FRMPD4: variants seen among roughly 807,000 people sequenced by gnomAD.
FRMPD4 encodes FERM and PDZ domain containing 4, also known as FERM and PDZ domain-containing protein 4.
FRMPD4 carries 22 observed loss-of-function variants against 94.1 expected under a neutral mutation model. The observed-to-expected ratio is 0.23, with a 90% CI of 0.17 to 0.33. The LOEUF is 0.33. FRMPD4 is among the 10% of genes least tolerant of loss of function. The pLI, the probability that FRMPD4 is intolerant of heterozygous loss-of-function variation, is 1.00. For synonymous variants in FRMPD4, 631 were observed against 548.6 expected, an observed-to-expected ratio of 1.15 and a Z score of -2.10; for missense variants, 1,111 against 1,339.9, an observed-to-expected ratio of 0.83 and a Z score of 2.67.
chrX:12,176,880 A>G (rs1011740812), intron 1 of FRMPD4, among the ~76,000 whole-genome samples: 8 of 112,246 alleles, frequency 7.1e-5, no homozygotes, highest in Non-Finnish European at 1.3e-4. Context: ...TCTGGAAAAT[A>G]CAATTTCTCA....
chrX:12,588,269 C>T (rs1209597479), intron 2 of FRMPD4, among the ~76,000 whole-genome samples: 1 of 112,469 alleles, frequency 8.9e-6, no homozygotes, highest in Non-Finnish European at 1.9e-5. Context: ...GGATTACAGG[C>T]GTGAGCCACC....
At position 12,718,507 on chromosome X, in the gene FRMPD4, T is replaced by C. The variant is rs1413563530; in HGVS notation, c.3681T>C (p.Ser1227=). ...SVDAGCGTGS[S]GSACATPVES... ...ATGCAGGCTGTGGCACAGGCAGCAG[T>C]GGCAGTGCCTGTGCCACACCCGTGG... Residue 1227 remains serine, a synonymous_variant, in exon 16 of 17, where the codon AGT becomes AGC. Transcript: ENST00000675598. 2.5e-6 allele frequency: 3 copies of C among 1,199,003 alleles called. No individual in the cohort carries two copies. The highest frequency in any genetic ancestry group is 3.5e-5 in the South Asian group (2 of 56,715).
At chrX:12,048,963 A>G (rs189178406) in intron 3 of FRMPD4, among the ~76,000 whole-genome samples, 3 of 111,501 alleles carry the variant, frequency 2.7e-5, no homozygotes, top group Non-Finnish European at 5.7e-5. Flanking sequence ...TGCTTTGTCT[A>G]TTCAGGCTCT....
chrX:12,186,013 G>A (rs2056420489), intron 1 of FRMPD4, among the ~76,000 whole-genome samples: 1 of 111,594 alleles, frequency 9.0e-6, no homozygotes, highest in African/African-American at 3.3e-5. Context: ...AAATCCATAG[G>A]TACAGTTACA....
chrX:12,217,438 G>A (rs763437942), intron 1 of FRMPD4, among the ~76,000 whole-genome samples: 95 of 111,873 alleles, frequency 8.5e-4, no homozygotes, highest in Non-Finnish European at 1.3e-3. Context: ...TGGGCAGCGC[G>A]TCAGTCTCAT....
At chrX:12,148,578 A>G (rs1460419780) in intron 1 of FRMPD4, among the ~76,000 whole-genome samples, 1 of 112,795 alleles carries the variant, frequency 8.9e-6, no homozygotes, top group East Asian at 2.8e-4. Flanking sequence ...CAAATTATCC[A>G]GAAGACCTAG....
chrX:12,565,769 GT>G (rs1298212934), intron 2 of FRMPD4, among the ~76,000 whole-genome samples: 2 of 112,022 alleles, frequency 1.8e-5, no homozygotes, highest in Non-Finnish European at 3.8e-5. Flanking sequence ...AACAATGTTG[GT>G]TTCTTAGTTG....
intron 2 of FRMPD4, among the ~76,000 whole-genome samples, chrX:11,869,096 A>G (rs35681844): frequency 1.8e-5 from 2 of 111,614 alleles, no homozygotes; most frequent in African/African-American, 3.3e-5. Flanking sequence ...GGAATCTAAG[A>G]CTCTATGTCC....
At chrX:12,520,017 C>T (rs951748363) in intron 2 of FRMPD4, among the ~76,000 whole-genome samples, 17 of 112,033 alleles carry the variant, frequency 1.5e-4, no homozygotes, top group African/African-American at 5.2e-4. Flanking sequence ...AATATAACTA[C>T]TATATGATCC....
intron 3 of FRMPD4, among the ~76,000 whole-genome samples, chrX:11,933,189 A>G (rs2054131667): frequency 8.9e-6 from 1 of 112,561 alleles, no homozygotes; most frequent in African/African-American, 3.2e-5. Flanking sequence ...ATCTGCACCG[A>G]TTGTGGAAAA....
intron 1 of FRMPD4, chrX:12,341,755 AT>A (rs1298818263): frequency 2.2e-5 from 5 of 227,844 alleles, no homozygotes; most frequent in Non-Finnish European, 4.3e-5. Context: ...TTTCTATATT[AT>A]TTTATGTCTC....
At chrX:12,458,359 G>A (rs1043449386) in intron 1 of FRMPD4, among the ~76,000 whole-genome samples, 13 of 111,785 alleles carry the variant, frequency 1.2e-4, no homozygotes, top group Non-Finnish European at 1.9e-4. Flanking sequence ...CAAATATGGA[G>A]GAGGTTTTGA....
At chrX:12,597,615 A>T (rs1182696674) in intron 2 of FRMPD4, among the ~76,000 whole-genome samples, 3 of 112,645 alleles carry the variant, frequency 2.7e-5, no homozygotes, top group Non-Finnish European at 5.6e-5. Context: ...TGATTCATAA[A>T]TAACATTAAT....
chrX:12,105,983 C>T (rs1247552765), intron 3 of FRMPD4, among the ~76,000 whole-genome samples: 1 of 112,129 alleles, frequency 8.9e-6, no homozygotes, highest in African/African-American at 3.2e-5. Context: ...GAGAGCTACA[C>T]CCTGAAGGTC....
intron 3 of FRMPD4, among the ~76,000 whole-genome samples, chrX:11,905,045 G>A (rs929895366): frequency 4.5e-5 from 5 of 112,054 alleles, no homozygotes; most frequent in Non-Finnish European, 9.4e-5. Context: ...GTCTAAGCTG[G>A]TGGTGTAAAT....
chrX:12,377,969 A>G (rs2056262947), intron 1 of FRMPD4, among the ~76,000 whole-genome samples: 1 of 112,614 alleles, frequency 8.9e-6, no homozygotes, highest in Non-Finnish European at 1.9e-5. Context: ...ACAGTCTGGC[A>G]TCTTTGAAGG....
At chrX:12,424,825 G>C (rs759850961) in intron 1 of FRMPD4, among the ~76,000 whole-genome samples, 1 of 112,697 alleles carries the variant, frequency 8.9e-6, no homozygotes, top group South Asian at 3.7e-4. Flanking sequence ...GAGCATCCCT[G>C]TTCACCAGTG....
chrX:12,622,011 A>AAGG (rs1569370085), intron 4 of FRMPD4, among the ~76,000 whole-genome samples: 42 of 35,887 alleles, frequency 1.2e-3, no homozygotes, highest in East Asian at 3.9e-3. Flanking sequence ...AGAAAGAAAG[A>AAGG]AAGAAAGGAA....
At chrX:12,365,631 T>A (rs1025936480) in intron 1 of FRMPD4, among the ~76,000 whole-genome samples, 1 of 111,514 alleles carries the variant, frequency 9.0e-6, no homozygotes, top group Non-Finnish European at 1.9e-5. Context: ...CTCCCACGAT[T>A]TCATGGCCTA....
Sources: gnomAD v4.1 joint callset for allele counts (sites outside exome capture counted in the v4.1 genomes callset) on GRCh38, gnomAD v4.1.1 for gene constraint, MANE v1.5 for transcripts, NCBI Gene and HGNC (gene_info 2026-07-23, HGNC 2026-07-21) for gene names.